The following C20orf202 variants were observed in gnomAD, a reference collection of about 807,000 sequenced individuals.
The protein encoded by C20orf202 is chromosome 20 open reading frame 202.
C20orf202 carries 5 observed loss-of-function variants against 5.3 expected under a neutral mutation model. That is an observed-to-expected ratio of 0.94 (90% CI 0.49 to 1.98). The LOEUF (loss-of-function observed/expected upper bound fraction) is 1.98, where lower values mean the gene tolerates loss of function less well. Ranked by LOEUF, C20orf202 falls within the 30% of genes most tolerant of loss-of-function variation. C20orf202 has a pLI of 0.01. For missense variants in C20orf202, 135 were observed against 123.5 expected (o/e 1.09, Z -0.44); for synonymous variants, 48 against 50.0 (o/e 0.96, Z 0.16).
Position 1,206,945 on chromosome 20 carries a change from C to T in C20orf202, c.143C>T (p.Ala48Val). 2 of 1,551,548 alleles carry T rather than the reference C, an allele frequency of 1.3e-6. No homozygotes were observed. Among genetic ancestry groups the T allele is most frequent in the Non-Finnish European group, 1.7e-6 (2 of 1,146,826 alleles). The part of the protein sequence containing the change: ...HLHSVLEELR[A>V]DSAHWEDARS... ...CACAGTGTCCTGGAGGAGCTGCGTGCGGACAGCGCCCACTGGGAGGACGCC... is the reference window on the plus strand; with the variant it reads ...CACAGTGTCCTGGAGGAGCTGCGTGTGGACAGCGCCCACTGGGAGGACGCC... Residue 48 changes from alanine (A) to valine (V), a missense_variant, in exon 2 of 2, where the codon GCG becomes GTG. Coordinates refer to ENST00000400633, the MANE Select transcript of C20orf202 (RefSeq NM_001394958.1).
At chr20:1,206,044 C>A (rs1304004443) in intron 1 of C20orf202, among the ~76,000 whole-genome samples, 5 of 151,776 alleles carry the variant, frequency 3.3e-5, no homozygotes, top group Non-Finnish European at 2.9e-5. Context: ...CACAGTGAGA[C>A]CCCGCCTCAA....
At chr20:1,204,562 A>C (rs567922553) in intron 1 of C20orf202, among the ~76,000 whole-genome samples, 1 of 152,352 alleles carries the variant, frequency 6.6e-6, no homozygotes, top group Admixed American at 6.5e-5. Context: ...GTCCGAAAAA[A>C]GAGGGGTGCC....
intron 1 of C20orf202, among the ~76,000 whole-genome samples, chr20:1,205,878 A>G (rs1361598052): frequency 1.3e-5 from 2 of 152,118 alleles, no homozygotes; most frequent in Non-Finnish European, 2.9e-5. Flanking sequence ...CCTGGGCAAC[A>G]TGGCAAGACA....
rs79521191 is a variant in C20orf202 at position 1,207,234 on chromosome 20, C to T, written c.*132C>T. 49,130 of 570,360 alleles carry T rather than the reference C, an allele frequency of 0.086. 2,619 individuals are homozygous for T. Among genetic ancestry groups the T allele is most frequent in the Admixed American group, 0.13 (3,934 of 30,116 alleles). 35.3% of individuals were successfully genotyped at this position (570,360 alleles called of 1,614,324 possible). On this transcript the variant is annotated 3_prime_UTR_variant, in exon 2 of 2. Coordinates refer to ENST00000400633, the MANE Select transcript of C20orf202 (RefSeq NM_001394958.1). ...CTGGGTTCATTTCTGCCCTCATCTG[C>T]TGTGCATCCCTGGATCTGTCACTCA...
chr20:1,205,098 C>T (rs899754131), intron 1 of C20orf202, among the ~76,000 whole-genome samples: 5 of 147,836 alleles, frequency 3.4e-5, no homozygotes, highest in Admixed American at 6.8e-5. Context: ...CTTTGCTTCA[C>T]GTCTTTCCTT....
intron 1 of C20orf202, 25 bp from the exon 2 acceptor site, chr20:1,206,844 C>T: frequency 1.4e-6 from 2 of 1,463,262 alleles, no homozygotes; most frequent in South Asian, 2.6e-5. Context: ...CACGCATCCC[C>T]TCACAGGCTC....
intron 1 of C20orf202, among the ~76,000 whole-genome samples, chr20:1,205,550 G>A (rs1012981293): frequency 6.6e-6 from 1 of 152,142 alleles, no homozygotes; most frequent in African/African-American, 2.4e-5. Flanking sequence ...ATGTTCATAA[G>A]TATCTCTTGC....
chr20:1,205,026 G>T (rs549388106), intron 1 of C20orf202, among the ~76,000 whole-genome samples: 8 of 152,102 alleles, frequency 5.3e-5, no homozygotes, highest in African/African-American at 1.9e-4. Context: ...GAAAAAATGG[G>T]CCCAGGACCA....
chr20:1,207,047 G>C lies in C20orf202; in HGVS notation c.245G>C (p.Arg82Thr). ...AGGGGCTGCCAGCCGGTTTGCTCAA[G>C]GGGTCTGGCCCAGCTCCTCCGAGGG... ...EGRGCQPVCS[R>T]GLAQLLRGED... Residue 82 changes from arginine (R) to threonine (T), a missense_variant, in exon 2 of 2, where the codon AGG becomes ACG. Arg to Thr is a moderately conservative substitution (Grantham distance 71). Coordinates refer to ENST00000400633, the MANE Select transcript of C20orf202 (RefSeq NM_001394958.1). 4 of 1,547,758 alleles carry C rather than the reference G, an allele frequency of 2.6e-6. No homozygotes were observed. In the South Asian group the frequency reaches 3.6e-5, roughly 14 times the overall value.
intron 1 of C20orf202, 73 bp downstream of exon 1, chr20:1,203,724 G>C (rs1418053065): frequency 1.1e-5 from 16 of 1,480,650 alleles, no homozygotes; most frequent in Non-Finnish European, 1.4e-5. Flanking sequence ...TTCCTTCCCG[G>C]GTCCCCCCTG....
chr20:1,204,863 A>G (rs901699034), intron 1 of C20orf202, among the ~76,000 whole-genome samples: 1 of 152,154 alleles, frequency 6.6e-6, no homozygotes, highest in Non-Finnish European at 1.5e-5. Context: ...TGTCTTCCTT[A>G]TGCTCCCTGA....
At chr20:1,204,455 G>A (rs964204538) in intron 1 of C20orf202, among the ~76,000 whole-genome samples, 3 of 152,220 alleles carry the variant, frequency 2.0e-5, no homozygotes, top group African/African-American at 7.2e-5. Flanking sequence ...CTCCCCCATG[G>A]AGCACTAACT....
In C20orf202 at chr20:1,205,273, T is replaced by C. The variant is rs560073026; in HGVS notation, c.67-1596T>C. ...GGCGCATGCCACCACGGCTGGCTAA[T>C]TTTTTTGTATTTTTAGTAGAGACCG... is the stretch of plus-strand genomic sequence containing the variant. On this transcript the variant is annotated intron_variant, in intron 1 of 1. Transcript: ENST00000400633. 2.1e-3 allele frequency among the ~76,000 whole-genome samples: 326 copies of C among 152,068 alleles called. 1 individual carries two copies. Among genetic ancestry groups the C allele is most frequent in the Non-Finnish European group, 3.5e-3 (236 of 67,954 alleles).
rs1322745981 is a variant in C20orf202, at chr20:1,208,955, T to C, written c.*1853T>C. On this transcript the variant is annotated 3_prime_UTR_variant, in exon 2 of 2. Transcript: ENST00000400633. ...CCTCTTTTCTTTGTTCCCTCAGCCC[T>C]GGAGATGGCAGATGCTTGCTGCAAT... Among the ~76,000 whole-genome samples, 1 of 152,222 alleles carries C rather than the reference T, an allele frequency of 6.6e-6. No homozygotes were observed. Among genetic ancestry groups the C allele is most frequent in the African/African-American group, 2.4e-5 (1 of 41,458 alleles).
In C20orf202 at chr20:1,207,138, C is replaced by G; in HGVS notation, c.*36C>G. 3 of 1,331,168 alleles carry G rather than the reference C, an allele frequency of 2.3e-6. No homozygotes were observed. Among genetic ancestry groups the G allele is most frequent in the East Asian group, 5.2e-5 (2 of 38,696 alleles). 82.5% of individuals were successfully genotyped at this position (1,331,168 alleles called of 1,614,324 possible). ...ATGACACTGGGCTTTAACACTCTCCCCATTAGTCTAACCTTTCACTGTGAT... is the reference window on the plus strand; with the variant it reads ...ATGACACTGGGCTTTAACACTCTCCGCATTAGTCTAACCTTTCACTGTGAT... On this transcript the variant is annotated 3_prime_UTR_variant, in exon 2 of 2. Coordinates refer to ENST00000400633, the MANE Select transcript of C20orf202 (RefSeq NM_001394958.1).
At position 1,207,423 on chromosome 20, in the gene C20orf202, G is replaced by T; in HGVS notation, c.*321G>T. 4.3e-6 allele frequency: 1 copy of T among 234,476 alleles called. No homozygotes were observed. 14.5% of individuals were successfully genotyped at this position (234,476 alleles called of 1,614,324 possible). A position where few individuals can be genotyped will look rare whatever the true frequency, so the allele number is the denominator to read the frequency against. ...CCTATCCTTGGGAATTTTTCACAAGGCAATTGTTAAAACAAAGAACTAGAT... is the reference window on the plus strand; with the variant it reads ...CCTATCCTTGGGAATTTTTCACAAGTCAATTGTTAAAACAAAGAACTAGAT... On this transcript the variant is annotated 3_prime_UTR_variant, in exon 2 of 2. Coordinates refer to ENST00000400633, the MANE Select transcript of C20orf202 (RefSeq NM_001394958.1).
At chr20:1,204,478 T>C (rs1321196818) in intron 1 of C20orf202, among the ~76,000 whole-genome samples, 1 of 152,208 alleles carries the variant, frequency 6.6e-6, no homozygotes, top group Non-Finnish European at 1.5e-5. Flanking sequence ...CCTGACCCGA[T>C]GTTATGTTAC....
intron 1 of C20orf202, 44 bp from the exon 2 acceptor site, chr20:1,206,825 C>G (rs988550407): frequency 7.5e-7 from 1 of 1,331,938 alleles, no homozygotes; most frequent in African/African-American, 1.5e-5. Flanking sequence ...GGGGAAACAT[C>G]CAGGGCTCCA....
rs746375188 is a variant in C20orf202 at position 1,203,611 on chromosome 20, CGA to C, written c.28_29del (p.Leu11TrpfsTer13). On this transcript the variant is annotated frameshift_variant, in exon 1 of 2. Coordinates refer to ENST00000400633, the MANE Select transcript of C20orf202 (RefSeq NM_001394958.1). LOFTEE classifies it high-confidence loss of function. Reference sequence around the variant, plus strand: ...ATGAAAATAGCAGAAGAGCCCAGCCCGAGTCTTGGGCAGACCTTGGAGTGGCT... The same window carrying C: ...ATGAAAATAGCAGAAGAGCCCAGCCCGTCTTGGGCAGACCTTGGAGTGGCT... 1 of 1,551,432 alleles carries C rather than the reference CGA, an allele frequency of 6.4e-7. No homozygotes were observed.
Sources: allele counts gnomAD v4.1 joint callset (sites outside exome capture counted in the v4.1 genomes callset), GRCh38; gene constraint gnomAD v4.1.1; transcripts MANE v1.5; gene names NCBI Gene and HGNC (gene_info 2026-07-23, HGNC 2026-07-21).